The following RSU1 variants were observed in gnomAD, a reference collection of about 807,000 sequenced individuals.
RSU1 encodes Ras suppressor protein 1, also known as rsu-1.
RSU1 carries 26 observed loss-of-function variants against 31.1 expected under a neutral mutation model. That is an observed-to-expected ratio of 0.84 (90% CI 0.61 to 1.16). The LOEUF (loss-of-function observed/expected upper bound fraction) is 1.16, where lower values mean the gene tolerates loss of function less well. Ranked by LOEUF, RSU1 falls within the 50% of genes most tolerant of loss-of-function variation. The pLI, the probability that RSU1 is intolerant of heterozygous loss-of-function variation, is 0.00. For missense variants in RSU1, 320 were observed against 339.1 expected (o/e 0.94, Z 0.44); for synonymous variants, 164 against 136.3 (o/e 1.20, Z -1.41).
At chr10:16,638,129 T>C (rs1388429925) in intron 8 of RSU1, among the ~76,000 whole-genome samples, 1 of 152,198 alleles carries the variant, frequency 6.6e-6, no homozygotes, top group Non-Finnish European at 1.5e-5. Context: ...TTTATATATT[T>C]TATAGGCAAA....
intron 2 of RSU1, among the ~76,000 whole-genome samples, chr10:16,799,502 T>C (rs1029315405): frequency 6.9e-6 from 1 of 143,984 alleles, no homozygotes; most frequent in African/African-American, 2.7e-5. Context: ...ATTTGAGAGA[T>C]TAAAAACAAC....
intron 8 of RSU1, among the ~76,000 whole-genome samples, chr10:16,679,930 G>A (rs1413355491): frequency 2.0e-5 from 3 of 146,568 alleles, no homozygotes; most frequent in East Asian, 2.0e-4. Flanking sequence ...TGCCCAGGCT[G>A]GAGTGCAGTG....
rs72782550 is a variant in RSU1, at chr10:16,622,447, T to C, written c.732-28951A>G. 6.8e-4 allele frequency among the ~76,000 whole-genome samples: 104 copies of C among 152,204 alleles called. 1 individual carries two copies. Among genetic ancestry groups the C allele is most frequent in the Non-Finnish European group, 1.0e-3 (70 of 67,996 alleles). On this transcript the variant is annotated intron_variant, in intron 8 of 8. Coordinates refer to ENST00000345264, the MANE Select transcript of RSU1 (RefSeq NM_012425.4). ...GTTGACTTTAGAACAGCAGGCAGAG[T>C]TCTGGAAAACACTCTGAAAAAGTGC...
intron 8 of RSU1, among the ~76,000 whole-genome samples, chr10:16,646,957 GC>G (rs1484817901): frequency 6.6e-6 from 1 of 151,860 alleles, no homozygotes; most frequent in Non-Finnish European, 1.5e-5. Flanking sequence ...ACATGTGTTG[GC>G]CAGGATGTGG....
At chr10:16,772,697 A>C (rs1364801831) in intron 3 of RSU1, among the ~76,000 whole-genome samples, 2 of 151,810 alleles carry the variant, frequency 1.3e-5, no homozygotes, top group East Asian at 3.9e-4. Flanking sequence ...AATGGAAAAA[A>C]GCAGTCTCAG....
rs138842672 is a variant in RSU1, at chr10:16,760,552, C to T, written c.281+3838G>A. 5.2e-3 allele frequency among the ~76,000 whole-genome samples: 784 copies of T among 151,638 alleles called. 4 individuals carry two copies. Among genetic ancestry groups the T allele is most frequent in the Non-Finnish European group, 8.3e-3 (563 of 67,884 alleles). On this transcript the variant is annotated intron_variant, in intron 4 of 8. Transcript: ENST00000345264. ...AAAAAAGAAAAGTGTACGACTCTGT[C>T]CTCTGCTGCCTCAAACCAAAATGTT... is the stretch of plus-strand genomic sequence containing the variant.
At chr10:16,744,880 C>A (rs879924919) in intron 7 of RSU1, among the ~76,000 whole-genome samples, 2 of 152,150 alleles carry the variant, frequency 1.3e-5, no homozygotes, top group Non-Finnish European at 2.9e-5. Flanking sequence ...CCCTCTTGCC[C>A]CTTCTTTTCC....
intron 2 of RSU1, among the ~76,000 whole-genome samples, chr10:16,783,363 G>GATTTTTTTTT (rs1837698142): frequency 1.1e-5 from 1 of 92,812 alleles, no homozygotes; most frequent in African/African-American, 7.9e-5. Flanking sequence ...CACAACTTTT[G>GATTTTTTTTT]CTTTTTTTTT....
intron 2 of RSU1, 130 bp from the exon 3 acceptor site, chr10:16,782,214 G>T (rs11254181): frequency 1.5e-6 from 1 of 666,480 alleles, no homozygotes; most frequent in Non-Finnish European, 2.6e-6. Context: ...CACCAAAATA[G>T]AAGCTAGGAT....
chr10:16,628,634 C>T (rs1053350286), intron 8 of RSU1, among the ~76,000 whole-genome samples: 1 of 152,118 alleles, frequency 6.6e-6, no homozygotes, highest in African/African-American at 2.4e-5. Context: ...ACAAGAGACA[C>T]AAATAATTGT....
chr10:16,791,867 T>G (rs979209159), intron 2 of RSU1, among the ~76,000 whole-genome samples: 4 of 152,138 alleles, frequency 2.6e-5, no homozygotes, highest in African/African-American at 7.2e-5. Flanking sequence ...ATCACAAAGA[T>G]GTGGAACTCT....
intron 7 of RSU1, among the ~76,000 whole-genome samples, chr10:16,732,125 T>G (rs201188727): frequency 7.8e-6 from 1 of 127,812 alleles, no homozygotes; most frequent in Non-Finnish European, 1.7e-5. Flanking sequence ...TGAAAAGCAG[T>G]TCTGATGAGT....
intron 7 of RSU1, among the ~76,000 whole-genome samples, chr10:16,733,508 AAAAC>A (rs991020033): frequency 4.8e-4 from 73 of 152,114 alleles, no homozygotes; most frequent in Admixed American, 3.8e-3. Context: ...ACTCTGTCGC[AAAAC>A]AAACAAACAA....
At position 16,719,992 on chromosome 10, in the gene RSU1, A is replaced by G. The variant is rs1588491716; in HGVS notation, c.599-24837T>C. On this transcript the variant is annotated intron_variant, in intron 7 of 8. Coordinates refer to ENST00000345264, the MANE Select transcript of RSU1 (RefSeq NM_012425.4). ...TTGAGGTGCTTTGCAGCCAAGGAAA[A>G]TGTGGTGCAAGGATTAACTCATCTC... is the stretch of plus-strand genomic sequence containing the variant. Among the ~76,000 whole-genome samples, 9 of 152,338 alleles carry G rather than the reference A, an allele frequency of 5.9e-5. No individual in the cohort carries two copies. The South Asian group carries it at 1.9e-3, about 32-fold the overall frequency.
At position 16,592,219 on chromosome 10, in the gene RSU1, C is replaced by A. The variant is rs1223205078; in HGVS notation, c.*1175G>T. 6.6e-6 allele frequency: 1 copy of A among 152,142 alleles called. No individual in the cohort carries two copies. The highest frequency in any genetic ancestry group is 1.5e-5 in the Non-Finnish European group (1 of 68,062). The allele number at this position is 152,142 out of a possible 1,614,324, so 9.4% of individuals were successfully genotyped here. ...AAAGGACACAGCAGAGAAGGGCAGG[C>A]CCCCTCTCCCAGGCCATTTGACTCT... On this transcript the variant is annotated 3_prime_UTR_variant, in exon 9 of 9. Transcript: ENST00000345264.
rs766386860 is a variant in RSU1 at position 16,754,974 on chromosome 10, G to A, written c.297C>T (p.Asn99=). The A allele has an allele frequency of 6.2e-7, 1 of 1,611,646 alleles. No homozygotes were observed. The highest frequency in any genetic ancestry group is 8.5e-7 in the Non-Finnish European group (1 of 1,178,696). The change falls in exon 5 of 9, where the codon AAC becomes AAT. Residue 99 remains asparagine (N), a synonymous_variant. Transcript: ENST00000345264. ...KHLNLGMNRL[N]TLPRGFGSLP... ...GGGAGCCGAAGCCTCGTGGCAAAGT[G>A]TTCAGCCTGTTCATGCTGTTGCAGG...
chr10:16,702,508 C>T (rs1255796081), intron 7 of RSU1, among the ~76,000 whole-genome samples: 1 of 152,104 alleles, frequency 6.6e-6, no homozygotes, highest in Non-Finnish European at 1.5e-5. Context: ...ATTAGAGTGC[C>T]CTAAATGTGG....
intron 2 of RSU1, among the ~76,000 whole-genome samples, chr10:16,790,436 A>C (rs1241275811): frequency 6.6e-6 from 1 of 152,224 alleles, no homozygotes; most frequent in Non-Finnish European, 1.5e-5. Context: ...AATCATGGAC[A>C]CTGAGAGGTG....
chr10:16,798,494 T>C (rs1171159084), intron 2 of RSU1, among the ~76,000 whole-genome samples: 7 of 152,098 alleles, frequency 4.6e-5, no homozygotes, highest in Admixed American at 3.9e-4. Context: ...CTGATGGTTT[T>C]ATAAGGGGCT....
Sources: gnomAD v4.1 joint callset for allele counts (sites outside exome capture counted in the v4.1 genomes callset) on GRCh38, gnomAD v4.1.1 for gene constraint, MANE v1.5 for transcripts, NCBI Gene and HGNC (gene_info 2026-07-23, HGNC 2026-07-21) for gene names.